The following ACTR3C variants were observed in gnomAD, a reference collection of about 807,000 sequenced individuals.
The protein encoded by ACTR3C is actin related protein 3C.
ACTR3C carries 18 observed loss-of-function variants against 26.3 expected under a neutral mutation model. That is an observed-to-expected ratio of 0.68 (90% CI 0.47 to 1.01). The LOEUF (loss-of-function observed/expected upper bound fraction) is 1.01. Ranked by LOEUF, ACTR3C falls within the 50% of genes least tolerant of loss-of-function variation. The probability of loss-of-function intolerance (pLI) is 0.00; values close to 1 mark genes in which losing one functional copy is unlikely to be tolerated. For synonymous variants in ACTR3C, 55 were observed against 94.5 expected, an observed-to-expected ratio of 0.58 and a Z score of 2.42; for missense variants, 184 against 250.7, an observed-to-expected ratio of 0.73 and a Z score of 1.80.
At chr7:150,047,789 C>CG in the ACTR3C span, 2 of 1,527,734 alleles carry the variant, frequency 1.3e-6, no homozygotes, top group East Asian at 5.0e-5. Flanking sequence ...GACTCGCCTC[C>CG]GGGGGCGTGG....
chr7:150,033,653 G>A, the ACTR3C span, among the ~76,000 whole-genome samples: 14 of 151,780 alleles, frequency 9.2e-5, no homozygotes, highest in East Asian at 2.7e-3. Context: ...AAAAGGGAGT[G>A]GCTCTCAGTC....
chr7:149,896,733 G>T, the ACTR3C span, among the ~76,000 whole-genome samples: 1 of 151,868 alleles, frequency 6.6e-6, no homozygotes, highest in African/African-American at 2.4e-5. Flanking sequence ...TGAAATCAGA[G>T]ATCAGGTAAA....
At chr7:149,944,049 C>T in the ACTR3C span, among the ~76,000 whole-genome samples, 1 of 137,308 alleles carries the variant, frequency 7.3e-6, no homozygotes, top group African/African-American at 3.4e-5. Context: ...AGTCTTCCAA[C>T]TCTGGCAAGT....
the ACTR3C span, among the ~76,000 whole-genome samples, chr7:149,925,163 C>A: frequency 4.6e-5 from 7 of 150,630 alleles, no homozygotes; most frequent in Non-Finnish European, 1.0e-4. Flanking sequence ...ATAAAGTTAA[C>A]AAGAAATCTA....
the ACTR3C span, among the ~76,000 whole-genome samples, chr7:150,035,422 C>G: frequency 7.6e-4 from 54 of 71,166 alleles, 16 homozygotes; most frequent in East Asian, 2.3e-3. Context: ...GGAAGAGGGA[C>G]TGGCTCTCAG....
At chr7:150,031,283 A>AC in the ACTR3C span, among the ~76,000 whole-genome samples, 1 of 140,732 alleles carries the variant, frequency 7.1e-6, no homozygotes, top group Non-Finnish European at 1.6e-5. Context: ...AGTAAAAAAA[A>AC]AAAAACAAAT....
the ACTR3C span, among the ~76,000 whole-genome samples, chr7:150,117,433 G>A: frequency 6.6e-6 from 1 of 152,182 alleles, no homozygotes; most frequent in African/African-American, 2.4e-5. Flanking sequence ...TTGAGTACAT[G>A]GTTTTCCCCT....
At chr7:150,305,242 A>C (rs1169331138) in intron 1 of ACTR3C, among the ~76,000 whole-genome samples, 1 of 152,126 alleles carries the variant, frequency 6.6e-6, no homozygotes, top group African/African-American at 2.4e-5. Context: ...AAGGATTTTC[A>C]TGGGTGGTTT....
chr7:150,064,644 T>TCACACACA, the ACTR3C span, among the ~76,000 whole-genome samples: 201 of 99,462 alleles, frequency 2.0e-3, no homozygotes, highest in African/African-American at 6.1e-3. Flanking sequence ...TTGTTTATTT[T>TCACACACA]CACATACACA....
chr7:150,299,954 T>G (rs1486992979), intron 1 of ACTR3C, among the ~76,000 whole-genome samples: 2 of 150,794 alleles, frequency 1.3e-5, no homozygotes, highest in African/African-American at 5.0e-5. Flanking sequence ...AGGGCACAAA[T>G]AGTATTAGGG....
At chr7:150,204,982 C>G in the ACTR3C span, among the ~76,000 whole-genome samples, 1 of 152,236 alleles carries the variant, frequency 6.6e-6, no homozygotes, top group Non-Finnish European at 1.5e-5. Flanking sequence ...TCCAGACCCA[C>G]AGCCGCTCAA....
the ACTR3C span, among the ~76,000 whole-genome samples, chr7:150,109,371 A>C: frequency 6.6e-6 from 1 of 152,040 alleles, no homozygotes; most frequent in Non-Finnish European, 1.5e-5. Context: ...TTATATACTA[A>C]AAATTACCAA....
chr7:150,034,782 G>A, the ACTR3C span, among the ~76,000 whole-genome samples: 3 of 151,220 alleles, frequency 2.0e-5, no homozygotes, highest in Non-Finnish European at 4.4e-5. Context: ...GCCAGGGGGG[G>A]AAGAGGGTCT....
the ACTR3C span, among the ~76,000 whole-genome samples, chr7:150,223,865 G>T: frequency 1.3e-5 from 2 of 152,138 alleles, no homozygotes; most frequent in Non-Finnish European, 2.9e-5. Flanking sequence ...TTTCATCTGG[G>T]GCTGTAGTCT....
chr7:150,121,553 C>A, the ACTR3C span, among the ~76,000 whole-genome samples: 1 of 148,152 alleles, frequency 6.7e-6, no homozygotes, highest in Non-Finnish European at 1.5e-5. Flanking sequence ...TCAAGGAGAA[C>A]TACAAACCAC....
the ACTR3C span, among the ~76,000 whole-genome samples, chr7:149,929,160 G>C: frequency 7.2e-5 from 11 of 152,240 alleles, 3 homozygotes; most frequent in South Asian, 2.3e-3. Context: ...AGGCACAGTG[G>C]CTCACGCCTG....
chr7:150,039,909 T>C, the ACTR3C span, among the ~76,000 whole-genome samples: 389 of 114,052 alleles, frequency 3.4e-3, 7 homozygotes, highest in East Asian at 0.019. Context: ...GGGTGCCTCC[T>C]CCCCTGCGAT....
chr7:150,033,689 CA>C, the ACTR3C span, among the ~76,000 whole-genome samples: 8 of 135,090 alleles, frequency 5.9e-5, no homozygotes, highest in East Asian at 2.4e-4. Flanking sequence ...GTGCCTCCCC[CA>C]CTTGCGATGG....
At chr7:150,039,561 A>T in the ACTR3C span, among the ~76,000 whole-genome samples, 2 of 143,588 alleles carry the variant, frequency 1.4e-5, no homozygotes, top group African/African-American at 5.3e-5. Context: ...GGGGGGGAAG[A>T]GGGACTGGCT....
Sources: allele counts gnomAD v4.1 joint callset (sites outside exome capture counted in the v4.1 genomes callset), GRCh38; gene constraint gnomAD v4.1.1; transcripts MANE v1.5; gene names NCBI Gene and HGNC (gene_info 2026-07-23, HGNC 2026-07-21).